Variants in HYCC1 observed in about 807,000 individuals in gnomAD.
The protein encoded by HYCC1 is hyccin.
At chr7:22,983,924 T>G in the HYCC1 span, 7 of 1,368,456 alleles carry the variant, frequency 5.1e-6, no homozygotes, top group Non-Finnish European at 7.3e-6. Context: ...GTTAGCACAA[T>G]AAACCATAAA....
At chr7:22,912,528 G>C in the HYCC1 span, among the ~76,000 whole-genome samples, 1 of 152,134 alleles carries the variant, frequency 6.6e-6, no homozygotes, top group Non-Finnish European at 1.5e-5. Context: ...AAGTGCAGCC[G>C]GCCAAGCTGG....
At chr7:22,970,728 G>A in the HYCC1 span, among the ~76,000 whole-genome samples, 1 of 152,126 alleles carries the variant, frequency 6.6e-6, no homozygotes, top group African/African-American at 2.4e-5. Context: ...TCTGAATTAG[G>A]TTTTTTCTGA....
At chr7:22,901,413 T>G in the HYCC1 span, among the ~76,000 whole-genome samples, 1 of 152,030 alleles carries the variant, frequency 6.6e-6, no homozygotes, top group Non-Finnish European at 1.5e-5. Context: ...TAAATGTAAC[T>G]GGTGTAAACA....
At chr7:22,924,341 C>G in the HYCC1 span, among the ~76,000 whole-genome samples, 2 of 152,090 alleles carry the variant, frequency 1.3e-5, no homozygotes, top group African/African-American at 4.8e-5. Flanking sequence ...GGGTGCAGGA[C>G]AGTGGGTGCA....
the HYCC1 span, among the ~76,000 whole-genome samples, chr7:22,913,001 G>A: frequency 6.6e-6 from 1 of 152,044 alleles, no homozygotes; most frequent in Non-Finnish European, 1.5e-5. Context: ...GTGGGCGCTT[G>A]TAATCCCAGC....
At chr7:22,925,433 A>G in the HYCC1 span, among the ~76,000 whole-genome samples, 1 of 152,094 alleles carries the variant, frequency 6.6e-6, no homozygotes, top group Non-Finnish European at 1.5e-5. Flanking sequence ...AAAAACTTTG[A>G]AAAAAAATTA....
the HYCC1 span, among the ~76,000 whole-genome samples, chr7:22,919,453 C>T: frequency 2.0e-4 from 31 of 151,652 alleles, no homozygotes; most frequent in African/African-American, 5.3e-4. Context: ...CACTTGAACC[C>T]GGGAGGCAGA....
the HYCC1 span, among the ~76,000 whole-genome samples, chr7:22,978,838 A>G: frequency 2.0e-5 from 3 of 152,170 alleles, no homozygotes; most frequent in Admixed American, 6.6e-5. Flanking sequence ...ATATTGCTGT[A>G]ATTTTATTTT....
the HYCC1 span, among the ~76,000 whole-genome samples, chr7:22,916,726 C>T: frequency 6.6e-6 from 1 of 152,192 alleles, no homozygotes; most frequent in Non-Finnish European, 1.5e-5. Context: ...TTCTACCAGG[C>T]CTAATTGCCA....
the HYCC1 span, among the ~76,000 whole-genome samples, chr7:22,968,024 G>T: frequency 6.6e-6 from 1 of 152,088 alleles, no homozygotes; most frequent in African/African-American, 2.4e-5. Context: ...TGATTATGGT[G>T]AGTCTGCTAA....
chr7:22,981,487 T>C, the HYCC1 span, among the ~76,000 whole-genome samples: 1 of 152,232 alleles, frequency 6.6e-6, no homozygotes, highest in African/African-American at 2.4e-5. Context: ...ATTACACTGT[T>C]ATATTTTAGA....
chr7:23,000,275 C>T, the HYCC1 span, among the ~76,000 whole-genome samples: 5 of 152,018 alleles, frequency 3.3e-5, no homozygotes, highest in Non-Finnish European at 5.9e-5. Flanking sequence ...AAACTCTCTA[C>T]TCTTAAAAAT....
the HYCC1 span, among the ~76,000 whole-genome samples, chr7:23,006,786 T>A: frequency 2.0e-5 from 3 of 152,194 alleles, no homozygotes; most frequent in Non-Finnish European, 4.4e-5. Context: ...ATGAAAAGAC[T>A]CTTTGTTCAA....
At chr7:22,945,314 G>T in the HYCC1 span, 4 of 478,452 alleles carry the variant, frequency 8.4e-6, no homozygotes, top group Non-Finnish European at 1.5e-5. Context: ...AAAATTTATT[G>T]TCACTGACAA....
At chr7:22,972,670 A>G in the HYCC1 span, among the ~76,000 whole-genome samples, 1 of 152,224 alleles carries the variant, frequency 6.6e-6, no homozygotes, top group Non-Finnish European at 1.5e-5. Context: ...ATATACATTT[A>G]GTACTAGCAG....
chr7:22,953,742 T>C, the HYCC1 span, among the ~76,000 whole-genome samples: 1 of 151,872 alleles, frequency 6.6e-6, no homozygotes. Context: ...ATTCACAAAA[T>C]TTTTGGTAAG....
At chr7:22,933,585 C>G in the HYCC1 span, among the ~76,000 whole-genome samples, 1 of 151,962 alleles carries the variant, frequency 6.6e-6, no homozygotes, top group East Asian at 1.9e-4. Flanking sequence ...CAAGGCATGT[C>G]TCTTGTAGTC....
chr7:22,994,163 T>C, the HYCC1 span, among the ~76,000 whole-genome samples: 3 of 152,152 alleles, frequency 2.0e-5, no homozygotes, highest in Admixed American at 6.6e-5. Flanking sequence ...TATTTTTTAA[T>C]AGTCAAAAAC....
chr7:22,919,146 G>C, the HYCC1 span, among the ~76,000 whole-genome samples: 27 of 152,170 alleles, frequency 1.8e-4, no homozygotes, highest in African/African-American at 6.0e-4. Flanking sequence ...GCATGTGAGA[G>C]GGGCTAGATT....
Sources: allele counts gnomAD v4.1 joint callset (sites outside exome capture counted in the v4.1 genomes callset), GRCh38; gene constraint gnomAD v4.1.1; transcripts MANE v1.5; gene names NCBI Gene and HGNC (gene_info 2026-07-23, HGNC 2026-07-21).